The following MRTFA variants were observed in gnomAD, a reference collection of about 807,000 sequenced individuals.
The protein encoded by MRTFA is myocardin-related transcription factor A.
A neutral mutation model predicts 83.5 loss-of-function variants in MRTFA; 20 were observed. The ratio of observed to expected loss-of-function variants is 0.24; its 90% CI spans 0.17 to 0.35. The LOEUF is 0.35. Among genes scored for constraint, MRTFA ranks in the 10% least tolerant of loss-of-function variants. The pLI is 1.00. For missense variants in MRTFA, 1,200 were observed against 1,224.7 expected, an observed-to-expected ratio of 0.98 and a Z score of 0.30; for synonymous variants, 659 against 541.2, an observed-to-expected ratio of 1.22 and a Z score of -3.02.
chr22:40,634,389 C>T (rs2056672740), intron 1 of MRTFA, among the ~76,000 whole-genome samples: 1 of 152,194 alleles, frequency 6.6e-6, no homozygotes, highest in Non-Finnish European at 1.5e-5. Flanking sequence ...CACTGTGCCC[C>T]GCCTATCAGG....
intron 2 of MRTFA, among the ~76,000 whole-genome samples, chr22:40,575,217 T>C (rs752382999): frequency 5.9e-5 from 9 of 152,208 alleles, no homozygotes; most frequent in Non-Finnish European, 1.3e-4. Context: ...AGGTGTTCAA[T>C]AGATGTTAAC....
intron 2 of MRTFA, among the ~76,000 whole-genome samples, chr22:40,565,505 C>A (rs1602437342): frequency 6.6e-6 from 1 of 152,264 alleles, no homozygotes; most frequent in East Asian, 1.9e-4. Context: ...CAAGATCGCA[C>A]CACTGCATTC....
intron 10 of MRTFA, 126 bp from the exon 11 acceptor site, chr22:40,420,702 G>T: frequency 6.5e-7 from 1 of 1,533,532 alleles, no homozygotes; most frequent in South Asian, 1.2e-5. Flanking sequence ...CAAAGGCTAG[G>T]GTGGCCCTGC....
At position 40,616,484 on chromosome 22, in the gene MRTFA, T is replaced by G. The variant is rs1036167371; in HGVS notation, c.-84+19994A>C. 3.3e-5 allele frequency among the ~76,000 whole-genome samples: 5 copies of G among 152,064 alleles called. No homozygotes were observed. The South Asian group carries it at 1.0e-3, about 32-fold the overall frequency. ...TTTATTTAATTGGTTTAACTGGAAA[T>G]AGGGTGGCTTAGACTAGCTAGAGTA... On this transcript the variant is annotated intron_variant, in intron 1 of 14. Coordinates refer to ENST00000355630, the MANE Select transcript of MRTFA (RefSeq NM_020831.6).
intron 2 of MRTFA, among the ~76,000 whole-genome samples, chr22:40,576,294 G>C (rs1437901448): frequency 6.6e-6 from 1 of 152,080 alleles, no homozygotes; most frequent in Non-Finnish European, 1.5e-5. Context: ...GCCTCCCAAA[G>C]TGCTGGGATT....
At chr22:40,422,954 C>T (rs1179668401) in intron 9 of MRTFA, among the ~76,000 whole-genome samples, 1 of 152,078 alleles carries the variant, frequency 6.6e-6, no homozygotes, top group African/African-American at 2.4e-5. Context: ...GGCTGGGGTC[C>T]CCGAGATCCT....
intron 4 of MRTFA, 54 bp from the exon 5 acceptor site, chr22:40,435,608 G>T: frequency 6.3e-7 from 1 of 1,583,860 alleles, no homozygotes; most frequent in Non-Finnish European, 8.7e-7. Context: ...CATGTCTAGT[G>T]CTACGATATT....
chr22:40,440,461 C>T (rs1392957548), intron 4 of MRTFA, among the ~76,000 whole-genome samples: 1 of 152,202 alleles, frequency 6.6e-6, no homozygotes, highest in Non-Finnish European at 1.5e-5. Context: ...GTCTGTGCTC[C>T]TCTTTCCTCA....
Position 40,410,423 on chromosome 22 carries a change from T to A in MRTFA, c.*967A>T, listed in dbSNP as rs1298903929. The A allele has an allele frequency of 8.5e-6, 2 of 234,172 alleles. No individual in the cohort carries two copies. The highest frequency in any genetic ancestry group is 1.7e-5 in the Non-Finnish European group (2 of 118,844). 14.5% of individuals were successfully genotyped at this position (234,172 alleles called of 1,614,324 possible). A position where few individuals can be genotyped will look rare whatever the true frequency, so the allele number is the denominator to read the frequency against. Reference sequence around the variant, plus strand: ...AAGCCAGTGGCCCCAGGGCAGGAGATGGCCACCCCTCAGCCCCACCGCAGG... The same window carrying A: ...AAGCCAGTGGCCCCAGGGCAGGAGAAGGCCACCCCTCAGCCCCACCGCAGG... On this transcript the variant is annotated 3_prime_UTR_variant, in exon 15 of 15. Transcript: ENST00000355630.
chr22:40,566,436 G>A (rs980579316), intron 2 of MRTFA, among the ~76,000 whole-genome samples: 4 of 152,028 alleles, frequency 2.6e-5, no homozygotes, highest in Non-Finnish European at 5.9e-5. Flanking sequence ...TGGCCAGACT[G>A]GTACTGAACT....
intron 1 of MRTFA, among the ~76,000 whole-genome samples, chr22:40,628,626 A>G (rs1172851985): frequency 6.6e-6 from 1 of 152,068 alleles, no homozygotes; most frequent in East Asian, 1.9e-4. Context: ...AATGAACCAA[A>G]CATACCACAG....
intron 3 of MRTFA, among the ~76,000 whole-genome samples, chr22:40,532,622 A>G (rs777589211): frequency 6.6e-6 from 1 of 152,250 alleles, no homozygotes; most frequent in Non-Finnish European, 1.5e-5. Context: ...TTCCCTGATC[A>G]TAAGCTTTAT....
At position 40,572,728 on chromosome 22, in the gene MRTFA, C is replaced by T. The variant is rs139638997; in HGVS notation, c.-21-20361G>A. ...GCAGAAGGCAACGAGAAGCAAGTCG[C>T]GTCTTACATGGATGGCAGCAGGCAA... On this transcript the variant is annotated intron_variant, in intron 2 of 14. Coordinates refer to ENST00000355630, the MANE Select transcript of MRTFA (RefSeq NM_020831.6). Among the ~76,000 whole-genome samples the T allele has an allele frequency of 7.3e-3, 1,114 of 152,272 alleles. 25 individuals carry two copies. In the Middle Eastern group the frequency reaches 0.075, roughly 10 times the overall value.
chr22:40,571,961 A>G (rs572056594), intron 2 of MRTFA, among the ~76,000 whole-genome samples: 2 of 151,344 alleles, frequency 1.3e-5, no homozygotes, highest in East Asian at 3.9e-4. Flanking sequence ...AGGGACAATA[A>G]GCACTTCAAA....
At chr22:40,583,337 C>A (rs1241356452) in intron 2 of MRTFA, among the ~76,000 whole-genome samples, 1 of 152,186 alleles carries the variant, frequency 6.6e-6, no homozygotes, top group Non-Finnish European at 1.5e-5. Flanking sequence ...ACTTTGGTAA[C>A]CTTATCTTTT....
In MRTFA at chr22:40,411,663, G is replaced by A. The variant is rs201298872; in HGVS notation, c.2823C>T (p.Asp941=). The change falls in exon 15 of 15, where the codon GAC becomes GAT. Residue 941 remains aspartate (D), a synonymous_variant. Coordinates refer to ENST00000355630, the MANE Select transcript of MRTFA (RefSeq NM_020831.6). Reference sequence around the variant, plus strand: ...TGCTCAGCATCTGGCTATGGAGGTCGTCAATGAGGGAAAGGGGCTCTGGCC... The same window carrying A: ...TGCTCAGCATCTGGCTATGGAGGTCATCAATGAGGGAAAGGGGCTCTGGCC... 1.9e-4 allele frequency: 305 copies of A among 1,610,432 alleles called. No individual in the cohort carries two copies. The highest frequency in any genetic ancestry group is 2.4e-4 in the Non-Finnish European group (286 of 1,178,120).
rs1048597883 is a variant in MRTFA at position 40,577,978 on chromosome 22, G to A, written c.-22+16696C>T. Among the ~76,000 whole-genome samples, 21 of 151,052 alleles carry A rather than the reference G, an allele frequency of 1.4e-4. No homozygotes were observed. The South Asian group carries it at 2.1e-3, about 15-fold the overall frequency. ...CATGATCTTTTTTTCCCCCGAGACA[G>A]AGTCTTGCTTCGTCACCCAGGCTGC... On this transcript the variant is annotated intron_variant, in intron 2 of 14. Transcript: ENST00000355630.
intron 2 of MRTFA, chr22:40,587,963 T>A (rs958989710): frequency 2.9e-6 from 1 of 350,302 alleles, no homozygotes; most frequent in Non-Finnish European, 5.6e-6. Flanking sequence ...CTCCCCTTTT[T>A]CAGAGTACAC....
At chr22:40,457,500 A>G (rs570892044) in intron 4 of MRTFA, among the ~76,000 whole-genome samples, 8 of 146,444 alleles carry the variant, frequency 5.5e-5, no homozygotes, top group Admixed American at 2.8e-4. Context: ...GAAAGAAAGA[A>G]AGAGAAAGAA....
Sources: gnomAD v4.1 joint callset for allele counts (sites outside exome capture counted in the v4.1 genomes callset) on GRCh38, gnomAD v4.1.1 for gene constraint, MANE v1.5 for transcripts, NCBI Gene and HGNC (gene_info 2026-07-23, HGNC 2026-07-21) for gene names.